RPL31: variants seen among roughly 807,000 people sequenced by gnomAD.
RPL31 encodes the protein large ribosomal subunit protein eL31.
For missense variants in RPL31, 95 were observed against 164.0 expected (o/e 0.58, Z 2.30); for synonymous variants, 51 against 55.0 (o/e 0.93, Z 0.32).
rs761982045 is a variant in RPL31 at position 101,018,985 on chromosome 2, ATTTCTGTGCTAG to A, written c.347-1_357del. The A allele has an allele frequency of 2.1e-5, 34 of 1,611,206 alleles. No homozygotes were observed. Among genetic ancestry groups the A allele is most frequent in the Middle Eastern group, 3.3e-4 (2 of 6,082 alleles). On this transcript the variant is annotated splice_acceptor_variant and splice_polypyrimidine_tract_variant and intron_variant, in intron 4 of 4. Transcript: ENST00000409028. LOFTEE classifies it high-confidence loss of function. ...GACATGGTACCAAATCATCTGTAAT[ATTTCTGTGCTAG>A]TTTCTGTGCTAAACAGTGTTACAGT...
downstream of RPL31, chr2:101,007,879 A>AGAT (rs3832055): frequency 1.2e-5 from 19 of 1,613,586 alleles, no homozygotes; most frequent in East Asian, 4.0e-4. Flanking sequence ...AAAAGTTTTG[A>AGAT]GATTGTACTG....
intron 4 of RPL31, among the ~76,000 whole-genome samples, chr2:101,014,250 C>T (rs763618929): frequency 6.7e-6 from 1 of 149,824 alleles, no homozygotes; most frequent in South Asian, 2.1e-4. Context: ...TTTTCAAAAT[C>T]TTCTGTGGCA....
downstream of RPL31, chr2:101,008,380 GAC>G (rs970839246): frequency 5.7e-6 from 5 of 880,500 alleles, no homozygotes; most frequent in East Asian, 8.2e-5. Context: ...TATTTTTGAA[GAC>G]ACAGAATATA....
downstream of RPL31, chr2:101,010,869 G>A (rs1279930219): frequency 2.4e-5 from 34 of 1,409,614 alleles, no homozygotes; most frequent in Middle Eastern, 1.9e-4. Context: ...GCGACAGAGC[G>A]AGACTCCATC....
chr2:101,018,452 C>G (rs1246319955), intron 4 of RPL31: 3 of 156,920 alleles, frequency 1.9e-5, no homozygotes, highest in African/African-American at 7.2e-5. Context: ...CTTGACAGAA[C>G]TCATCCTTTA....
chr2:101,017,838 C>T (rs2105371185), intron 4 of RPL31: 1 of 1,550,362 alleles, frequency 6.5e-7, no homozygotes, highest in East Asian at 2.4e-5. Flanking sequence ...AGTGAAGCAG[C>T]TACATGCAAT....
rs975295942 is a variant in RPL31 at position 101,018,728 on chromosome 2, G to T, written c.347-270G>T. Among the ~76,000 whole-genome samples the T allele has an allele frequency of 2.6e-5, 4 of 152,268 alleles. No homozygotes were observed. The South Asian group carries it at 8.3e-4, about 32-fold the overall frequency. On this transcript the variant is annotated intron_variant, in intron 4 of 4. Coordinates refer to the RPL31 transcript ENST00000409028. ...GGTTTGCTCAGTATACAAACTTACA[G>T]AAAAACCTCCAAATTGTCTCATTTG...
intron 3 of RPL31, chr2:101,004,505 G>A: frequency 1.9e-6 from 1 of 523,776 alleles, no homozygotes; most frequent in Non-Finnish European, 3.3e-6. Context: ...AGCAGTGTAG[G>A]GTGGGAAAGA....
At chr2:101,017,896 C>T in intron 4 of RPL31, 1 of 1,550,882 alleles carries the variant, frequency 6.4e-7, no homozygotes, top group Non-Finnish European at 8.7e-7. Flanking sequence ...CAGATTGTCA[C>T]CATCAGTGAG....
chr2:101,002,368 TG>T, intron 1 of RPL31, 53 bp downstream of exon 1: 1 of 277,926 alleles, frequency 3.6e-6, no homozygotes, highest in South Asian at 5.1e-5. Context: ...CATCCTCCTT[TG>T]GGATTGTGCT....
chr2:101,016,517 G>T lies in RPL31; in HGVS notation c.347-2481G>T, dbSNP rs537502038. Among the ~76,000 whole-genome samples, 546 of 152,276 alleles carry T rather than the reference G, an allele frequency of 3.6e-3. 2 individuals carry two copies. The highest frequency in any genetic ancestry group is 0.012 in the African/African-American group (509 of 41,568). ...CAACCCTTGTGGAAGTCAGTGTGGC[G>T]ATTCCTCAGGGATCTAGAACTAGAA... is the stretch of plus-strand genomic sequence containing the variant. On this transcript the variant is annotated intron_variant, in intron 4 of 4. Coordinates refer to the RPL31 transcript ENST00000409028.
intron 4 of RPL31, chr2:101,018,853 A>T: frequency 1.0e-6 from 1 of 957,532 alleles, no homozygotes; most frequent in Non-Finnish European, 1.5e-6. Flanking sequence ...AAGTCCAATT[A>T]GTATAATTAA....
At chr2:101,005,214 G>C (rs1014794259) in intron 3 of RPL31, 5 of 152,334 alleles carry the variant, frequency 3.3e-5, no homozygotes, top group African/African-American at 1.2e-4. Flanking sequence ...AGAGGAAAGA[G>C]AATCAGCTGT....
intron 1 of RPL31, 153 bp downstream of exon 1, chr2:101,002,468 G>C (rs907680894): frequency 1.3e-4 from 77 of 574,938 alleles, no homozygotes; most frequent in Non-Finnish European, 1.9e-4. Context: ...GGCTCCCAGA[G>C]CCTGAGGAAG....
downstream of RPL31, chr2:101,011,648 T>C: frequency 8.7e-7 from 1 of 1,153,704 alleles, no homozygotes; most frequent in South Asian, 1.3e-5. Flanking sequence ...GCTCCCAGCC[T>C]GTGGACTGTA....
At chr2:101,009,821 C>CTT (rs1553470780), downstream of RPL31, among the ~76,000 whole-genome samples, 1 of 134,192 alleles carries the variant, frequency 7.5e-6, no homozygotes, top group African/African-American at 2.7e-5. Context: ...AAAAAAGGAG[C>CTT]TTTTTCTTTT....
At chr2:101,003,783 T>C (rs1397979513) in intron 2 of RPL31, among the ~76,000 whole-genome samples, 1 of 152,238 alleles carries the variant, frequency 6.6e-6, no homozygotes, top group African/African-American at 2.4e-5. Context: ...TCCAAAAACA[T>C]GTCCTGTCTT....
At chr2:101,003,064 C>A (rs989539207) in intron 2 of RPL31, among the ~76,000 whole-genome samples, 5 of 152,182 alleles carry the variant, frequency 3.3e-5, no homozygotes, top group African/African-American at 1.2e-4. Flanking sequence ...CTCCTGTTCC[C>A]TTCCCTACCC....
At chr2:101,017,310 T>C (rs1239541928) in intron 4 of RPL31, among the ~76,000 whole-genome samples, 2 of 152,194 alleles carry the variant, frequency 1.3e-5, no homozygotes, top group African/African-American at 2.4e-5. Flanking sequence ...GCTAAAATAA[T>C]GATAAATAGT....
Sources: gnomAD v4.1 joint callset for allele counts (sites outside exome capture counted in the v4.1 genomes callset) on GRCh38, gnomAD v4.1.1 for gene constraint, MANE v1.5 for transcripts, NCBI Gene and HGNC (gene_info 2026-07-23, HGNC 2026-07-21) for gene names.